The following FLT1 variants were observed in gnomAD, a reference collection of about 807,000 sequenced individuals.
FLT1 encodes fms related receptor tyrosine kinase 1, also known as vascular endothelial growth factor receptor 1.
In FLT1, 49 loss-of-function variants were observed where a neutral mutation model predicts 156.3. The ratio of observed to expected loss-of-function variants is 0.31; its 90% CI spans 0.25 to 0.40. The LOEUF is 0.40. FLT1 is among the 10% of genes least tolerant of loss of function. FLT1 has a pLI of 1.00. For missense variants in FLT1, 1,322 were observed against 1,637.2 expected, an observed-to-expected ratio of 0.81 and a Z score of 3.32; for synonymous variants, 594 against 583.8, an observed-to-expected ratio of 1.02 and a Z score of -0.25.
At chr13:28,454,833 G>T (rs1879171421) in intron 3 of FLT1, among the ~76,000 whole-genome samples, 1 of 152,138 alleles carries the variant, frequency 6.6e-6, no homozygotes, top group Non-Finnish European at 1.5e-5. Context: ...TCAAAAGTCA[G>T]TTGCTTTCCT....
chr13:28,405,728 G>C, intron 11 of FLT1, 52 bp downstream of exon 11: 1 of 996,980 alleles, frequency 1.0e-6, no homozygotes, highest in Non-Finnish European at 1.6e-6. Context: ...ATTGGGAGCT[G>C]AGAGTGTATT....
At chr13:28,342,972 CTTTCTTTCTT>C (rs1872399620) in intron 16 of FLT1, among the ~76,000 whole-genome samples, 2 of 149,796 alleles carry the variant, frequency 1.3e-5, no homozygotes, top group Admixed American at 1.3e-4. Context: ...CTCTCTCTTT[CTTTCTTTCTT>C]TTTCTTTCTT....
At chr13:28,386,953 A>G in intron 13 of FLT1, 2 of 1,044,072 alleles carry the variant, frequency 1.9e-6, no homozygotes, top group East Asian at 1.1e-4. Flanking sequence ...TCGGTCTTGT[A>G]AAAAGGAAGT....
Position 28,317,593 on chromosome 13 carries a change from C to T in FLT1, c.3291G>A (p.Gly1097=), listed in dbSNP as rs1871258156. The change falls in exon 25 of 30, where the codon GGG becomes GGA. Residue 1097 remains glycine, a synonymous_variant. Coordinates refer to ENST00000282397, the MANE Select transcript of FLT1 (RefSeq NM_002019.4). The stretch of plus-strand genomic sequence containing the variant: ...CCATTTGTACTCCTGGGTATGGAGA[C>T]CCACCTGCGGGAGACAATGTGGAAA... ...VLLWEIFSLG[G]SPYPGVQMDE... 2 of 1,610,234 alleles carry T rather than the reference C, an allele frequency of 1.2e-6. No homozygotes were observed. The highest frequency in any genetic ancestry group is 8.5e-7 in the Non-Finnish European group (1 of 1,176,490).
intron 17 of FLT1, among the ~76,000 whole-genome samples, chr13:28,334,346 G>C (rs923655565): frequency 2.0e-5 from 3 of 152,146 alleles, no homozygotes; most frequent in African/African-American, 4.8e-5. Context: ...CAAAGATAGA[G>C]TAAGTCCCTA....
Position 28,412,352 on chromosome 13 carries a change from C to T in FLT1, c.1437-6458G>A, listed in dbSNP as rs1176143354. 5.4e-3 allele frequency among the ~76,000 whole-genome samples: 286 copies of T among 53,246 alleles called. 3 individuals carry two copies. The highest frequency in any genetic ancestry group is 0.014 in the African/African-American group (235 of 16,982). The allele number at this position is 53,246 out of a possible 152,430, so 34.9% of individuals were successfully genotyped here. A position where few individuals can be genotyped will look rare whatever the true frequency, so the allele number is the denominator to read the frequency against. The stretch of plus-strand genomic sequence containing the variant: ...TTCTTTTCTTTCTTTCTTTCTTTCT[C>T]TTTCTTTCTTTCTTTCTTTCTTTCT... On this transcript the variant is annotated intron_variant, in intron 10 of 29. Transcript: ENST00000282397.
chr13:28,433,927 G>A lies in FLT1; in HGVS notation c.705C>T (p.Ser235=), dbSNP rs2137552115. ...TAAGTAATTTGACTGGGCGTGGTGT[G>A]CTTATTTGGACATCTATGATTGTAT... ...QTNTIIDVQI[S]TPRPVKLLRG... Residue 235 remains serine (S), a synonymous_variant, in exon 6 of 30, where the codon AGC becomes AGT. Coordinates refer to ENST00000282397, the MANE Select transcript of FLT1 (RefSeq NM_002019.4). 6.2e-7 allele frequency: 1 copy of A among 1,614,070 alleles called. No homozygotes were observed. The highest frequency in any genetic ancestry group is 8.5e-7 in the Non-Finnish European group (1 of 1,179,972).
intron 3 of FLT1, among the ~76,000 whole-genome samples, chr13:28,448,819 C>T (rs1265163124): frequency 6.6e-6 from 1 of 152,202 alleles, no homozygotes; most frequent in African/African-American, 2.4e-5. Context: ...TGATGATCCA[C>T]TGTTTCCTGA....
rs1566013015 is a variant in FLT1, at chr13:28,412,365, T to TTTC, written c.1437-6474_1437-6472dup. Among the ~76,000 whole-genome samples the TTTC allele has an allele frequency of 1.6e-4, 15 of 95,312 alleles. 1 individual carries two copies. Among genetic ancestry groups the TTTC allele is most frequent in the African/African-American group, 5.0e-4 (15 of 29,982 alleles). The allele number at this position is 95,312 out of a possible 152,430, so 62.5% of individuals were successfully genotyped here. A position where few individuals can be genotyped will look rare whatever the true frequency, so the allele number is the denominator to read the frequency against. On this transcript the variant is annotated intron_variant, in intron 10 of 29. Transcript: ENST00000282397. ...TTCTTTCTTTCTCTTTCTTTCTTTC[T>TTTC]TTCTTTCTTTCTTTCTTTCTTTCTT... is the stretch of plus-strand genomic sequence containing the variant.
chr13:28,490,685 G>A (rs1321925354), intron 1 of FLT1, among the ~76,000 whole-genome samples: 1 of 152,046 alleles, frequency 6.6e-6, no homozygotes, highest in Non-Finnish European at 1.5e-5. Flanking sequence ...TGGACTGTTC[G>A]GTTCTACCAA....
chr13:28,306,315 C>G (rs1593665213), intron 29 of FLT1, among the ~76,000 whole-genome samples: 1 of 152,318 alleles, frequency 6.6e-6, no homozygotes, highest in South Asian at 2.1e-4. Context: ...TGTATGAACC[C>G]TGCCGGCATA....
chr13:28,360,125 A>ATGTC, intron 14 of FLT1, among the ~76,000 whole-genome samples: 1 of 152,208 alleles, frequency 6.6e-6, no homozygotes, highest in Non-Finnish European at 1.5e-5. Context: ...ACAAGAAAAA[A>ATGTC]ACCAAATGAG....
At chr13:28,393,477 A>G (rs181432319) in intron 12 of FLT1, among the ~76,000 whole-genome samples, 143 of 152,344 alleles carry the variant, frequency 9.4e-4, no homozygotes, top group African/African-American at 2.7e-3. Flanking sequence ...GATGCTATGT[A>G]CAAGTGTGTG....
At chr13:28,494,483 C>T (rs1042821244) in intron 1 of FLT1, among the ~76,000 whole-genome samples, 3 of 152,190 alleles carry the variant, frequency 2.0e-5, no homozygotes, top group Admixed American at 6.5e-5. Flanking sequence ...CCCAACCCGA[C>T]AGCTGGATAA....
chr13:28,306,632 C>G, intron 29 of FLT1, 46 bp downstream of exon 29: 1 of 1,333,090 alleles, frequency 7.5e-7, no homozygotes, highest in Non-Finnish European at 1.1e-6. Context: ...CATCTCCCCT[C>G]GTACCCCTCC....
chr13:28,494,751 T>C (rs1434234064), intron 1 of FLT1, 29 bp downstream of exon 1: 8 of 1,536,256 alleles, frequency 5.2e-6, no homozygotes, highest in Non-Finnish European at 7.0e-6. Context: ...GCAGCCCGCC[T>C]CAGGCCCCGG....
At chr13:28,477,265 C>A (rs530262248) in intron 1 of FLT1, among the ~76,000 whole-genome samples, 1 of 152,304 alleles carries the variant, frequency 6.6e-6, no homozygotes, top group South Asian at 2.1e-4. Flanking sequence ...AGGGACCTAC[C>A]CTTCCAATGA....
intron 12 of FLT1, among the ~76,000 whole-genome samples, chr13:28,395,138 C>G (rs1241547974): frequency 6.6e-6 from 1 of 152,164 alleles, no homozygotes; most frequent in Non-Finnish European, 1.5e-5. Context: ...TGATCCTGAC[C>G]TCTCAGGTCA....
chr13:28,326,724 C>T (rs912681684), intron 20 of FLT1, among the ~76,000 whole-genome samples: 19 of 152,112 alleles, frequency 1.2e-4, no homozygotes, highest in Admixed American at 1.1e-3. Context: ...CGGGTTTTCA[C>T]CATGCTGGCC....
Sources: allele counts gnomAD v4.1 joint callset (sites outside exome capture counted in the v4.1 genomes callset), GRCh38; gene constraint gnomAD v4.1.1; transcripts MANE v1.5; gene names NCBI Gene and HGNC (gene_info 2026-07-23, HGNC 2026-07-21).